Variants in PLXDC2 observed in about 807,000 individuals in gnomAD.
PLXDC2 encodes plexin domain-containing protein 2.
A neutral mutation model predicts 68.9 loss-of-function variants in PLXDC2; 40 were observed. The ratio of observed to expected loss-of-function variants is 0.58; its 90% CI spans 0.45 to 0.76. The LOEUF is 0.76. Ranked by LOEUF, PLXDC2 falls within the 30% of genes least tolerant of loss-of-function variation. PLXDC2 has a pLI of 0.00. For missense variants in PLXDC2, 644 were observed against 661.9 expected, an observed-to-expected ratio of 0.97 and a Z score of 0.30; for synonymous variants, 243 against 234.2, an observed-to-expected ratio of 1.04 and a Z score of -0.34.
intron 1 of PLXDC2, among the ~76,000 whole-genome samples, chr10:19,916,117 G>C (rs1238783866): frequency 1.4e-5 from 2 of 147,940 alleles, no homozygotes; most frequent in African/African-American, 5.1e-5. Flanking sequence ...ATTATGTGGA[G>C]GGAGTTGTGT....
chr10:20,188,008 A>G (rs1412218036), intron 9 of PLXDC2, among the ~76,000 whole-genome samples: 1 of 151,662 alleles, frequency 6.6e-6, no homozygotes, highest in Non-Finnish European at 1.5e-5. Flanking sequence ...ACTCAATTAA[A>G]TATATATTTC....
intron 1 of PLXDC2, among the ~76,000 whole-genome samples, chr10:19,872,463 G>A (rs945524640): frequency 1.3e-5 from 2 of 152,226 alleles, no homozygotes; most frequent in Non-Finnish European, 2.9e-5. Context: ...GCTGGTGTCA[G>A]TCATTAATTA....
chr10:20,022,435 T>C (rs76646479), intron 2 of PLXDC2, among the ~76,000 whole-genome samples: 3,075 of 152,172 alleles, frequency 0.02, 102 homozygotes, highest in African/African-American at 0.069. Context: ...ATAGGATGAT[T>C]GGGAAGACTT....
chr10:19,971,905 A>G lies in PLXDC2; in HGVS notation c.113-29870A>G, dbSNP rs555942767. On this transcript the variant is annotated intron_variant, in intron 1 of 13. Coordinates refer to ENST00000377252, the MANE Select transcript of PLXDC2 (RefSeq NM_032812.9). Reference sequence around the variant, plus strand: ...GGAAGAAAGTTCTTGTGAATGTGTAATCTCGCTGGGGATCTGATTGGGCAG... The same window carrying G: ...GGAAGAAAGTTCTTGTGAATGTGTAGTCTCGCTGGGGATCTGATTGGGCAG... Among the ~76,000 whole-genome samples, 68 of 152,092 alleles carry G rather than the reference A, an allele frequency of 4.5e-4. No individual in the cohort carries two copies. The South Asian group carries it at 8.7e-3, about 20-fold the overall frequency.
intron 4 of PLXDC2, among the ~76,000 whole-genome samples, chr10:20,086,966 A>T (rs1833207811): frequency 6.6e-6 from 1 of 152,264 alleles, no homozygotes; most frequent in Non-Finnish European, 1.5e-5. Flanking sequence ...AGAACATAGA[A>T]GATATTTCTT....
chr10:19,957,764 TTA>T (rs1834094493), intron 1 of PLXDC2, among the ~76,000 whole-genome samples: 2 of 152,166 alleles, frequency 1.3e-5, no homozygotes, highest in South Asian at 4.1e-4. Context: ...GGTTATGCAG[TTA>T]TTAATACATG....
chr10:19,958,843 A>T (rs1015207056), intron 1 of PLXDC2, among the ~76,000 whole-genome samples: 10 of 146,742 alleles, frequency 6.8e-5, no homozygotes, highest in Admixed American at 5.4e-4. Flanking sequence ...TTGTTTTTCA[A>T]ATTAAGTTCT....
At chr10:20,075,348 C>T (rs1836420810) in intron 4 of PLXDC2, among the ~76,000 whole-genome samples, 2 of 152,012 alleles carry the variant, frequency 1.3e-5, no homozygotes, top group Non-Finnish European at 2.9e-5. Context: ...ACCACCATGC[C>T]TGGCCAATTT....
chr10:20,040,069 G>T (rs981194944), intron 2 of PLXDC2, among the ~76,000 whole-genome samples: 29 of 152,186 alleles, frequency 1.9e-4, no homozygotes, highest in Admixed American at 1.8e-3. Context: ...GGTCAGTCAT[G>T]CCTCAGTGCG....
intron 13 of PLXDC2, among the ~76,000 whole-genome samples, chr10:20,251,631 T>C (rs1362649818): frequency 6.6e-6 from 1 of 152,092 alleles, no homozygotes; most frequent in Non-Finnish European, 1.5e-5. Flanking sequence ...ATAAAATACA[T>C]AAAATGTAAT....
At chr10:20,044,239 T>TTCTTTCTTTCTTTCTTTCTTTC (rs1835750720) in intron 2 of PLXDC2, among the ~76,000 whole-genome samples, 5 of 103,240 alleles carry the variant, frequency 4.8e-5, no homozygotes, top group Non-Finnish European at 7.4e-5. Context: ...CTTTCTTTCT[T>TTCTTTCTTTCTTTCTTTCTTTC]TCTTTCTTTC....
At chr10:20,153,767 T>C (rs1038351623) in intron 6 of PLXDC2, among the ~76,000 whole-genome samples, 9 of 152,168 alleles carry the variant, frequency 5.9e-5, no homozygotes, top group African/African-American at 2.2e-4. Context: ...TTTCCAAAGA[T>C]ATGGAACAAA....
chr10:19,876,601 C>CAAAAAAAAAAAAAA (rs61268790), intron 1 of PLXDC2, among the ~76,000 whole-genome samples: 1 of 63,966 alleles, frequency 1.6e-5, no homozygotes, highest in African/African-American at 6.7e-5. Context: ...GATTCCATCT[C>CAAAAAAAAAAAAAA]AAAAAAAAAA....
chr10:20,090,684 A>T (rs1564311769), intron 4 of PLXDC2, among the ~76,000 whole-genome samples: 1 of 152,136 alleles, frequency 6.6e-6, no homozygotes, highest in South Asian at 2.1e-4. Context: ...CTCTGTGCAT[A>T]ATACTTGTGA....
At chr10:20,208,670 C>T (rs552218141) in intron 9 of PLXDC2, among the ~76,000 whole-genome samples, 1 of 152,210 alleles carries the variant, frequency 6.6e-6, no homozygotes, top group South Asian at 2.1e-4. Context: ...AAGACCCTAG[C>T]TTTCAAACGT....
chr10:20,248,146 C>G (rs1835625027), intron 13 of PLXDC2, among the ~76,000 whole-genome samples: 1 of 152,124 alleles, frequency 6.6e-6, no homozygotes, highest in Non-Finnish European at 1.5e-5. Context: ...AAAGAAGACA[C>G]TGAAATATCT....
At chr10:20,165,509 A>G (rs1471546944) in intron 7 of PLXDC2, among the ~76,000 whole-genome samples, 2 of 151,092 alleles carry the variant, frequency 1.3e-5, no homozygotes, top group African/African-American at 2.4e-5. Context: ...ATTCCCACCT[A>G]TGAGTGAGAA....
chr10:20,155,300 T>A (rs1834203360), intron 6 of PLXDC2, among the ~76,000 whole-genome samples: 1 of 152,148 alleles, frequency 6.6e-6, no homozygotes, highest in South Asian at 2.1e-4. Context: ...AGAAAAAAGG[T>A]AATTCAAGAA....
At chr10:19,823,404 GGC>G (rs1181359471) in intron 1 of PLXDC2, among the ~76,000 whole-genome samples, 1 of 151,952 alleles carries the variant, frequency 6.6e-6, no homozygotes, top group Non-Finnish European at 1.5e-5. Flanking sequence ...GTCTCGGCTG[GGC>G]GTGGTGGCTC....
Sources: allele counts gnomAD v4.1 joint callset (sites outside exome capture counted in the v4.1 genomes callset), GRCh38; gene constraint gnomAD v4.1.1; transcripts MANE v1.5; gene names NCBI Gene and HGNC (gene_info 2026-07-23, HGNC 2026-07-21).